Variants in BRINP3 observed in about 807,000 individuals in gnomAD.
BRINP3 encodes BMP/retinoic acid-inducible neural-specific protein 3.
In BRINP3, 19 loss-of-function variants were observed where a neutral mutation model predicts 71.0. The ratio of observed to expected loss-of-function variants is 0.27; its 90% CI spans 0.19 to 0.39. The LOEUF (loss-of-function observed/expected upper bound fraction) is 0.39. BRINP3 is among the 10% of genes least tolerant of loss of function. The pLI, the probability that BRINP3 is intolerant of heterozygous loss-of-function variation, is 1.00. For missense variants in BRINP3, 959 were observed against 940.8 expected, an observed-to-expected ratio of 1.02 and a Z score of -0.25; for synonymous variants, 380 against 337.7, an observed-to-expected ratio of 1.13 and a Z score of -1.37.
chr1:190,211,453 A>G lies in BRINP3; in HGVS notation c.961+14629T>C, dbSNP rs540828265. Among the ~76,000 whole-genome samples, 5 of 152,208 alleles carry G rather than the reference A, an allele frequency of 3.3e-5. No individual in the cohort carries two copies. In the East Asian group the frequency reaches 9.7e-4, roughly 30 times the overall value. ...ACAATGACATTCTTAGAGACACTTAATGAAGTAAATCAAATCGAATGTATA... is the reference window on the plus strand; with the variant it reads ...ACAATGACATTCTTAGAGACACTTAGTGAAGTAAATCAAATCGAATGTATA... On this transcript the variant is annotated intron_variant, in intron 6 of 7. Transcript: ENST00000367462.
At chr1:190,461,704 A>T (rs1042361324) in intron 1 of BRINP3, among the ~76,000 whole-genome samples, 1 of 152,172 alleles carries the variant, frequency 6.6e-6, no homozygotes, top group African/African-American at 2.4e-5. Context: ...GGCTGGCAAG[A>T]CCATATAATA....
intron 7 of BRINP3, among the ~76,000 whole-genome samples, chr1:190,133,777 T>C (rs1328124343): frequency 6.6e-6 from 1 of 152,048 alleles, no homozygotes; most frequent in Non-Finnish European, 1.5e-5. Context: ...GGTGGGTATG[T>C]CTTTTGGGGA....
At chr1:190,269,613 C>G (rs993475945) in intron 3 of BRINP3, among the ~76,000 whole-genome samples, 1 of 151,764 alleles carries the variant, frequency 6.6e-6, no homozygotes, top group Non-Finnish European at 1.5e-5. Context: ...AGTGTTCAGA[C>G]AAAAACAGAT....
chr1:190,221,802 T>A (rs1656914506), intron 6 of BRINP3, among the ~76,000 whole-genome samples: 1 of 152,030 alleles, frequency 6.6e-6, no homozygotes, highest in African/African-American at 2.4e-5. Flanking sequence ...AAATCTAAGA[T>A]TTAAAAAGAC....
intron 6 of BRINP3, among the ~76,000 whole-genome samples, chr1:190,209,959 A>T (rs1404545460): frequency 6.6e-6 from 1 of 152,116 alleles, no homozygotes; most frequent in Non-Finnish European, 1.5e-5. Flanking sequence ...TTGGTACTTT[A>T]ACTACTTGTT....
intron 7 of BRINP3, among the ~76,000 whole-genome samples, chr1:190,115,407 T>C (rs1484756075): frequency 2.0e-5 from 3 of 152,182 alleles, no homozygotes; most frequent in Non-Finnish European, 4.4e-5. Context: ...ACCACTGTGA[T>C]ATTTAGAATA....
chr1:190,165,271 G>C (rs1016667855), intron 6 of BRINP3, among the ~76,000 whole-genome samples: 4 of 151,436 alleles, frequency 2.6e-5, no homozygotes, highest in African/African-American at 9.7e-5. Flanking sequence ...ACTTATGTTT[G>C]TGAACATAGG....
intron 6 of BRINP3, among the ~76,000 whole-genome samples, chr1:190,175,641 T>C (rs1402578161): frequency 2.0e-5 from 3 of 152,148 alleles, no homozygotes; most frequent in Non-Finnish European, 4.4e-5. Flanking sequence ...AAACTTTATG[T>C]TACTGTATAT....
rs1356364456 is a variant in BRINP3 at position 190,477,525 on chromosome 1, A to G, written c.-128T>C. The G allele has an allele frequency of 3.3e-5, 5 of 152,240 alleles. No homozygotes were observed. Among genetic ancestry groups the G allele is most frequent in the African/African-American group, 4.8e-5 (2 of 41,458 alleles). 9.4% of individuals were successfully genotyped at this position (152,240 alleles called of 1,614,324 possible). A position where few individuals can be genotyped will look rare whatever the true frequency, so the allele number is the denominator to read the frequency against. On this transcript the variant is annotated 5_prime_UTR_variant, in exon 1 of 8. Coordinates refer to ENST00000367462, the MANE Select transcript of BRINP3 (RefSeq NM_199051.3). The stretch of plus-strand genomic sequence containing the variant: ...CAAATAGATATTCCATGATCTTCCA[A>G]ATCAAGGTAAAGTAGTGAGCTGCAG...
At chr1:190,418,646 T>C (rs1025629442) in intron 2 of BRINP3, among the ~76,000 whole-genome samples, 2 of 152,158 alleles carry the variant, frequency 1.3e-5, no homozygotes, top group Non-Finnish European at 2.9e-5. Flanking sequence ...ATTAGATATA[T>C]ATTTTTTATG....
At chr1:190,308,077 T>TACCTTG (rs1172044156) in intron 2 of BRINP3, among the ~76,000 whole-genome samples, 7 of 151,932 alleles carry the variant, frequency 4.6e-5, no homozygotes, top group Admixed American at 3.9e-4. Flanking sequence ...GTCAAGGTAA[T>TACCTTG]AGGGAACCTC....
chr1:190,252,738 G>A (rs1375676887), intron 4 of BRINP3, among the ~76,000 whole-genome samples: 8 of 151,876 alleles, frequency 5.3e-5, no homozygotes, highest in East Asian at 3.9e-4. Flanking sequence ...ATAAGTGCTC[G>A]ATAACATTAT....
At chr1:190,309,457 G>A (rs768672696) in intron 2 of BRINP3, among the ~76,000 whole-genome samples, 8 of 151,706 alleles carry the variant, frequency 5.3e-5, no homozygotes, top group African/African-American at 1.5e-4. Flanking sequence ...TTTATGATAC[G>A]TCTATTTTAC....
chr1:190,289,631 G>A (rs1663704053), intron 2 of BRINP3, among the ~76,000 whole-genome samples: 1 of 151,918 alleles, frequency 6.6e-6, no homozygotes, highest in Non-Finnish European at 1.5e-5. Flanking sequence ...TCTTTCTGTG[G>A]ATACCACTGT....
intron 4 of BRINP3, among the ~76,000 whole-genome samples, chr1:190,245,440 G>T (rs1374598275): frequency 6.6e-6 from 1 of 150,704 alleles, no homozygotes; most frequent in Admixed American, 6.6e-5. Context: ...AAGTGCCAGG[G>T]GAAAAAAACA....
chr1:190,387,162 A>G (rs558035578), intron 2 of BRINP3, among the ~76,000 whole-genome samples: 1 of 152,144 alleles, frequency 6.6e-6, no homozygotes, highest in East Asian at 1.9e-4. Flanking sequence ...CTTATTGCTG[A>G]ATCAAAATTC....
chr1:190,380,008 A>AC (rs986361827), intron 2 of BRINP3, among the ~76,000 whole-genome samples: 7 of 124,560 alleles, frequency 5.6e-5, no homozygotes, highest in African/African-American at 1.9e-4. Context: ...AAAAAAAAAA[A>AC]AAAAGAAAAA....
At chr1:190,353,964 T>C (rs759104589) in intron 2 of BRINP3, among the ~76,000 whole-genome samples, 5 of 152,096 alleles carry the variant, frequency 3.3e-5, no homozygotes, top group Non-Finnish European at 7.4e-5. Context: ...ACTTTCTTTC[T>C]TGGAATCCCT....
chr1:190,231,035 T>C (rs1381858330), intron 5 of BRINP3, among the ~76,000 whole-genome samples: 1 of 151,546 alleles, frequency 6.6e-6, no homozygotes, highest in Non-Finnish European at 1.5e-5. Flanking sequence ...CTAAAAATTT[T>C]AAAAATATTT....
Sources: allele counts gnomAD v4.1 joint callset (sites outside exome capture counted in the v4.1 genomes callset), GRCh38; gene constraint gnomAD v4.1.1; transcripts MANE v1.5; gene names NCBI Gene and HGNC (gene_info 2026-07-23, HGNC 2026-07-21).